The following GPHN variants were observed in gnomAD, a reference collection of about 807,000 sequenced individuals.
The protein encoded by GPHN is gephyrin.
Under a neutral mutation model 95.5 loss-of-function variants are expected in GPHN, and 17 were observed. The ratio of observed to expected loss-of-function variants is 0.18; its 90% CI spans 0.12 to 0.27. The LOEUF is 0.27. Among genes scored for constraint, GPHN ranks in the 10% least tolerant of loss-of-function variants. The pLI is 1.00. For synonymous variants in GPHN, 320 were observed against 322.5 expected (o/e 0.99, Z 0.08); for missense variants, 660 against 978.1 (o/e 0.67, Z 4.34).
At chr14:66,921,860 G>A (rs2066234941) in intron 6 of GPHN, among the ~76,000 whole-genome samples, 1 of 152,050 alleles carries the variant, frequency 6.6e-6, no homozygotes, top group South Asian at 2.1e-4. Flanking sequence ...TATAAAAATA[G>A]GCACATAGAT....
At chr14:67,724,375 CTTT>C in the GPHN span, 1 of 925,706 alleles carries the variant, frequency 1.1e-6, no homozygotes, top group Middle Eastern at 2.2e-4. Context: ...AGATACCCTT[CTTT>C]GAGGCTGGAT....
chr14:66,827,537 G>T (rs1232514309), intron 4 of GPHN, among the ~76,000 whole-genome samples: 3 of 152,186 alleles, frequency 2.0e-5, no homozygotes, highest in African/African-American at 7.2e-5. Context: ...TGACCGTTCA[G>T]TGAGAACTAT....
chr14:67,051,305 A>C (rs1189429205), intron 10 of GPHN, among the ~76,000 whole-genome samples: 1 of 152,248 alleles, frequency 6.6e-6, no homozygotes, highest in Non-Finnish European at 1.5e-5. Flanking sequence ...CAAGAACTTC[A>C]TAATACAACC....
chr14:66,867,392 A>T (rs2063266126), intron 4 of GPHN, among the ~76,000 whole-genome samples: 1 of 152,156 alleles, frequency 6.6e-6, no homozygotes, highest in African/African-American at 2.4e-5. Context: ...TAAATTCGAG[A>T]CTGCTTTTAC....
chr14:67,035,043 G>A (rs1270671096), intron 10 of GPHN, among the ~76,000 whole-genome samples: 1 of 151,986 alleles, frequency 6.6e-6, no homozygotes, highest in Non-Finnish European at 1.5e-5. Flanking sequence ...ACAAAGTTAG[G>A]AAGACTGAAA....
intron 10 of GPHN, among the ~76,000 whole-genome samples, chr14:67,025,280 T>A (rs1262232398): frequency 2.6e-5 from 4 of 152,220 alleles, no homozygotes; most frequent in African/African-American, 9.6e-5. Flanking sequence ...TCATTTTTTG[T>A]TGTATCTCTG....
intron 2 of GPHN, among the ~76,000 whole-genome samples, chr14:66,696,130 T>C (rs2068084780): frequency 6.6e-6 from 1 of 152,226 alleles, no homozygotes; most frequent in South Asian, 2.1e-4. Flanking sequence ...GGAAATTATA[T>C]GGAAAAATTT....
intron 17 of GPHN, among the ~76,000 whole-genome samples, chr14:67,127,154 G>C (rs1272936777): frequency 1.3e-5 from 2 of 151,392 alleles, no homozygotes; most frequent in Non-Finnish European, 2.9e-5. Context: ...CCTAATGCTA[G>C]AAGACGAGTT....
At chr14:67,584,009 T>C in the GPHN span, 15 of 1,613,916 alleles carry the variant, frequency 9.3e-6, no homozygotes, top group Non-Finnish European at 1.3e-5. Context: ...CTGGCAGATA[T>C]GTTGACCACA....
Position 66,548,178 on chromosome 14 carries a change from ATTTTTTTTT to A in GPHN, c.64+39599_64+39607del, listed in dbSNP as rs564746424. Among the ~76,000 whole-genome samples the A allele has an allele frequency of 2.6e-5, 3 of 116,164 alleles. No individual in the cohort carries two copies. In the South Asian group the frequency reaches 8.0e-4, roughly 31 times the overall value. 76.2% of individuals were successfully genotyped at this position (116,164 alleles called of 152,430 possible). On this transcript the variant is annotated intron_variant, in intron 1 of 22. Transcript: ENST00000478722. The stretch of plus-strand genomic sequence containing the variant: ...AGTGATTTTTGATGTTACTATTGTA[ATTTTTTTTT>A]TTTTTTTTTTTGAGATGGAGTCTCG...
At chr14:66,571,323 A>G (rs1046885053) in intron 1 of GPHN, among the ~76,000 whole-genome samples, 7 of 152,134 alleles carry the variant, frequency 4.6e-5, no homozygotes, top group South Asian at 2.1e-4. Context: ...GTCACCTCCT[A>G]TCAGATCCCT....
At chr14:67,388,022 A>G in the GPHN span, among the ~76,000 whole-genome samples, 1 of 152,228 alleles carries the variant, frequency 6.6e-6, no homozygotes, top group Non-Finnish European at 1.5e-5. Context: ...TATTAACATA[A>G]GGATTACTTA....
chr14:67,487,937 C>T, the GPHN span, among the ~76,000 whole-genome samples: 1 of 152,314 alleles, frequency 6.6e-6, no homozygotes, highest in South Asian at 2.1e-4. Flanking sequence ...CATGTACAGC[C>T]ATGTTTTTAC....
At chr14:66,686,004 ATCCTTTCCCCATTGC>A (rs1566817087) in intron 2 of GPHN, among the ~76,000 whole-genome samples, 1 of 150,410 alleles carries the variant, frequency 6.6e-6, no homozygotes, top group Admixed American at 6.6e-5. Flanking sequence ...TAAATAGGGA[ATCCTTTCCCCATTGC>A]TTGTTTTTGT....
chr14:67,019,004 C>CATGA (rs1216299994), intron 9 of GPHN, among the ~76,000 whole-genome samples: 1 of 152,114 alleles, frequency 6.6e-6, no homozygotes, highest in Non-Finnish European at 1.5e-5. Context: ...GGGATGTACA[C>CATGA]ATGAATCAAA....
At chr14:66,718,104 G>A (rs1034557790) in intron 2 of GPHN, among the ~76,000 whole-genome samples, 2 of 152,132 alleles carry the variant, frequency 1.3e-5, no homozygotes, top group Non-Finnish European at 2.9e-5. Flanking sequence ...TACCAGGGTG[G>A]GTAGGGAAGT....
At chr14:66,677,725 A>C (rs982898085) in intron 1 of GPHN, among the ~76,000 whole-genome samples, 17 of 151,950 alleles carry the variant, frequency 1.1e-4, no homozygotes, top group Non-Finnish European at 2.4e-4. Flanking sequence ...AGAATGTTCT[A>C]TGTGCTGATG....
chr14:66,614,994 C>T (rs2062944147), intron 1 of GPHN, among the ~76,000 whole-genome samples: 1 of 152,134 alleles, frequency 6.6e-6, no homozygotes, highest in Admixed American at 6.6e-5. Flanking sequence ...TGTTAGTTTG[C>T]TGATAATTAT....
the GPHN span, among the ~76,000 whole-genome samples, chr14:67,653,942 AAG>A: frequency 6.6e-6 from 1 of 152,098 alleles, no homozygotes; most frequent in Non-Finnish European, 1.5e-5. Flanking sequence ...TTACCCTCTT[AAG>A]AGACAGTTAC....
Sources: gnomAD v4.1 joint callset for allele counts (sites outside exome capture counted in the v4.1 genomes callset) on GRCh38, gnomAD v4.1.1 for gene constraint, MANE v1.5 for transcripts, NCBI Gene and HGNC (gene_info 2026-07-23, HGNC 2026-07-21) for gene names.